The following SLC7A8 variants were observed in gnomAD, a reference collection of about 807,000 sequenced individuals.
SLC7A8 encodes the protein large neutral amino acids transporter small subunit 2.
Under a neutral mutation model 51.2 loss-of-function variants are expected in SLC7A8, and 30 were observed. The ratio of observed to expected loss-of-function variants is 0.59; its 90% CI spans 0.44 to 0.80. The LOEUF is 0.80. SLC7A8 is among the 30% of genes least tolerant of loss of function. SLC7A8 has a pLI of 0.00. For missense variants in SLC7A8, 612 were observed against 674.4 expected (o/e 0.91, Z 1.03); for synonymous variants, 257 against 275.8 (o/e 0.93, Z 0.67).
intron 3 of SLC7A8, among the ~76,000 whole-genome samples, chr14:23,162,213 T>G (rs904929676): frequency 1.3e-5 from 2 of 152,120 alleles, no homozygotes; most frequent in Non-Finnish European, 2.9e-5. Context: ...GTGTGCACCC[T>G]GCCGGGCAGA....
intron 1 of SLC7A8, among the ~76,000 whole-genome samples, chr14:23,172,660 T>A (rs755666509): frequency 8.1e-4 from 124 of 152,188 alleles, no homozygotes; most frequent in Non-Finnish European, 1.4e-3. Context: ...GAGAACAACT[T>A]GTCTACCACC....
At chr14:23,178,110 A>G (rs1433535766) in intron 1 of SLC7A8, among the ~76,000 whole-genome samples, 5 of 152,194 alleles carry the variant, frequency 3.3e-5, no homozygotes, top group Admixed American at 1.3e-4. Flanking sequence ...GGAAGAGGTA[A>G]TAAAGTGTCT....
At chr14:23,164,987 G>A (rs1464939847) in intron 3 of SLC7A8, among the ~76,000 whole-genome samples, 1 of 145,296 alleles carries the variant, frequency 6.9e-6, no homozygotes, top group Admixed American at 6.8e-5. Flanking sequence ...GTGAGACCCT[G>A]CCTCAAAAAA....
intron 1 of SLC7A8, 107 bp from the exon 2 acceptor site, chr14:23,166,647 T>C: frequency 9.0e-7 from 1 of 1,117,314 alleles, no homozygotes; most frequent in Non-Finnish European, 1.3e-6. Context: ...TGAAATGCCT[T>C]GGATATATGT....
chr14:23,147,147 G>A (rs958953504), intron 3 of SLC7A8, among the ~76,000 whole-genome samples: 14 of 144,442 alleles, frequency 9.7e-5, no homozygotes, highest in Non-Finnish European at 1.8e-4. Context: ...CATCATCCAT[G>A]CATCCATCCA....
At chr14:23,141,238 T>C (rs1418659372) in intron 4 of SLC7A8, among the ~76,000 whole-genome samples, 1 of 152,118 alleles carries the variant, frequency 6.6e-6, no homozygotes, top group Non-Finnish European at 1.5e-5. Context: ...TGAGCTATGA[T>C]TGTGCCACTG....
chr14:23,152,104 G>A (rs147690326), intron 3 of SLC7A8, among the ~76,000 whole-genome samples: 11 of 152,096 alleles, frequency 7.2e-5, no homozygotes, highest in Non-Finnish European at 1.5e-4. Context: ...AAGAGTACAC[G>A]TTATTCCCAG....
intron 1 of SLC7A8, among the ~76,000 whole-genome samples, chr14:23,182,255 G>A (rs1476742579): frequency 1.3e-5 from 2 of 152,124 alleles, no homozygotes; most frequent in East Asian, 1.9e-4. Context: ...TGCTGCATAA[G>A]GTGGAAAACG....
intron 1 of SLC7A8, among the ~76,000 whole-genome samples, chr14:23,181,452 TGGG>T (rs35513137): frequency 1.5e-5 from 1 of 66,822 alleles, no homozygotes; most frequent in African/African-American, 4.0e-5. Flanking sequence ...TTGGTGGGGG[TGGG>T]GGGGGGATGG....
At chr14:23,180,178 T>C (rs543600751) in intron 1 of SLC7A8, among the ~76,000 whole-genome samples, 18 of 152,298 alleles carry the variant, frequency 1.2e-4, no homozygotes, top group Non-Finnish European at 2.2e-4. Context: ...AGTGCTGGGA[T>C]TACAGGTGTG....
chr14:23,132,257 C>A (rs2048643521), intron 7 of SLC7A8, among the ~76,000 whole-genome samples: 1 of 152,122 alleles, frequency 6.6e-6, no homozygotes, highest in African/African-American at 2.4e-5. Context: ...TTGCCTCGGC[C>A]TCCCAAAGTG....
chr14:23,150,545 T>C (rs1332306033), intron 3 of SLC7A8, among the ~76,000 whole-genome samples: 1 of 152,204 alleles, frequency 6.6e-6, no homozygotes, highest in Non-Finnish European at 1.5e-5. Context: ...GTACTCTCAG[T>C]TAACCTCTCT....
At chr14:23,149,184 C>T (rs1227109028) in intron 3 of SLC7A8, among the ~76,000 whole-genome samples, 2 of 152,202 alleles carry the variant, frequency 1.3e-5, no homozygotes, top group Non-Finnish European at 2.9e-5. Flanking sequence ...GTTGGGATCC[C>T]ACAGCTAGAG....
chr14:23,182,273 A>G (rs945049892), intron 1 of SLC7A8, among the ~76,000 whole-genome samples: 1 of 152,210 alleles, frequency 6.6e-6, no homozygotes, highest in Admixed American at 6.5e-5. Flanking sequence ...ACGCTAAAAT[A>G]AAAAGGCAGG....
chr14:23,152,424 G>A (rs1327628990), intron 3 of SLC7A8, among the ~76,000 whole-genome samples: 1 of 150,068 alleles, frequency 6.7e-6, no homozygotes. Context: ...AGCCACCAAT[G>A]TTTTCTTTTT....
At chr14:23,160,511 C>CCAGGCTGG (rs1212761855) in intron 3 of SLC7A8, among the ~76,000 whole-genome samples, 210 of 148,268 alleles carry the variant, frequency 1.4e-3, no homozygotes, top group African/African-American at 5.1e-3. Flanking sequence ...GCAGAGCTTG[C>CCAGGCTGG]AGTGAGCCGA....
intron 7 of SLC7A8, among the ~76,000 whole-genome samples, chr14:23,132,711 C>T (rs1290939202): frequency 6.6e-6 from 1 of 151,566 alleles, no homozygotes; most frequent in Non-Finnish European, 1.5e-5. Context: ...TCTTGGTTCA[C>T]CGCAACCTCC....
intron 8 of SLC7A8, among the ~76,000 whole-genome samples, chr14:23,131,211 A>C (rs1201694120): frequency 6.6e-6 from 1 of 152,208 alleles, no homozygotes; most frequent in Non-Finnish European, 1.5e-5. Context: ...CTGACCCAAA[A>C]GGATGGGAGA....
chr14:23,155,359 C>T (rs1327588763), intron 3 of SLC7A8: 4 of 1,517,866 alleles, frequency 2.6e-6, no homozygotes, highest in Non-Finnish European at 3.5e-6. Context: ...ACTGCCCCAT[C>T]CCCTCCCCTC....
Sources: allele counts gnomAD v4.1 joint callset (sites outside exome capture counted in the v4.1 genomes callset), GRCh38; gene constraint gnomAD v4.1.1; transcripts MANE v1.5; gene names NCBI Gene and HGNC (gene_info 2026-07-23, HGNC 2026-07-21).